The following AKAP8L variants were observed in gnomAD, a reference collection of about 807,000 sequenced individuals.
AKAP8L encodes A-kinase anchor protein 8-like.
Under a neutral mutation model 77.5 loss-of-function variants are expected in AKAP8L, and 34 were observed. The observed-to-expected ratio is 0.44, with a 90% confidence interval of 0.33 to 0.58. AKAP8L has a LOEUF of 0.58. Among genes scored for constraint, AKAP8L ranks in the 20% least tolerant of loss-of-function variants. AKAP8L has a pLI of 0.02. For synonymous variants in AKAP8L, 342 were observed against 340.7 expected, an observed-to-expected ratio of 1.00 and a Z score of -0.04; for missense variants, 806 against 887.6, an observed-to-expected ratio of 0.91 and a Z score of 1.17.
intron 1 of AKAP8L, 58 bp downstream of exon 1, chr19:15,418,853 T>TCCG: frequency 6.5e-7 from 1 of 1,533,718 alleles, no homozygotes; most frequent in East Asian, 2.3e-5. Flanking sequence ...TGGTGCGGCA[T>TCCG]CCGCACGTCC....
At position 15,403,334 on chromosome 19, in the gene AKAP8L, C is replaced by T. The variant is rs964073420; in HGVS notation, c.362+141G>A. ...CACAAGTCAGAGACGGGAAGTGCAA[C>T]GGACCCTGCTGGGAGCCACAGCAGC... On this transcript the variant is annotated intron_variant, in intron 4 of 13. Transcript: ENST00000397410. This position sits in a 1 kb window ranked among gnomAD's most constrained non-coding sequence, Gnocchi z 4.3. 12 of 761,440 alleles carry T rather than the reference C, an allele frequency of 1.6e-5. No individual in the cohort carries two copies. Among genetic ancestry groups the T allele is most frequent in the Admixed American group, 1.1e-4 (5 of 44,076 alleles). 47.2% of individuals were successfully genotyped at this position (761,440 alleles called of 1,614,324 possible). A position where few individuals can be genotyped will look rare whatever the true frequency, so the allele number is the denominator to read the frequency against.
chr19:15,412,774 C>T (rs577342505), intron 1 of AKAP8L, among the ~76,000 whole-genome samples: 1 of 152,318 alleles, frequency 6.6e-6, no homozygotes, highest in African/African-American at 2.4e-5. Flanking sequence ...GATCTCCTAA[C>T]CTTGTGATCC....
intron 7 of AKAP8L, 157 bp downstream of exon 7, chr19:15,400,637 C>T: frequency 2.1e-6 from 2 of 941,958 alleles, no homozygotes; most frequent in Non-Finnish European, 1.6e-6. Flanking sequence ...TCCAGCTAGG[C>T]AGCCTGTGCT....
At chr19:15,402,174 G>C (rs1420868342) in intron 4 of AKAP8L, among the ~76,000 whole-genome samples, 1 of 152,082 alleles carries the variant, frequency 6.6e-6, no homozygotes, top group Non-Finnish European at 1.5e-5. Flanking sequence ...GCTTGCCCAG[G>C]GACAAGAAAA....
intron 1 of AKAP8L, among the ~76,000 whole-genome samples, chr19:15,411,992 G>A (rs535401612): frequency 1.3e-5 from 2 of 152,150 alleles, no homozygotes; most frequent in South Asian, 4.1e-4. Context: ...GGTGGATCAC[G>A]AGGTTAGGAG....
chr19:15,394,647 G>A (rs1047261575), intron 12 of AKAP8L, among the ~76,000 whole-genome samples: 1 of 151,952 alleles, frequency 6.6e-6, no homozygotes, highest in African/African-American at 2.4e-5. Context: ...AGCCTCAAGC[G>A]ATCCTCCCAC....
Position 15,403,687 on chromosome 19 carries a change from G to A in AKAP8L, c.150C>T (p.Gly50=). The A allele has an allele frequency of 4.4e-6, 7 of 1,591,708 alleles. No homozygotes were observed. The highest frequency in any genetic ancestry group is 6.0e-6 in the Non-Finnish European group (7 of 1,169,012). The stretch of plus-strand genomic sequence containing the variant: ...AGTTGGTGGTGTTATCCTGGCCATA[G>A]CCATAGCCATAGCCATAGCCCTCGT... ...RGYEGYGYGY[G]YGQDNTTNYG... Residue 50 remains glycine (G), a synonymous_variant, in exon 4 of 14, where the codon GGC becomes GGT. Transcript: ENST00000397410. This position sits in a 1 kb window ranked among gnomAD's most constrained non-coding sequence, Gnocchi z 4.3.
chr19:15,390,177 A>G (rs556443039), intron 12 of AKAP8L, among the ~76,000 whole-genome samples: 1 of 152,270 alleles, frequency 6.6e-6, no homozygotes, highest in African/African-American at 2.4e-5. Context: ...GCACTTTGGG[A>G]GGCCAAGGCA....
At chr19:15,382,034 CTGTTGGGTATTTT>C (rs748366849) in intron 12 of AKAP8L, 2 of 152,204 alleles carry the variant, frequency 1.3e-5, no homozygotes, top group Non-Finnish European at 2.9e-5. Context: ...GATGTTGTCA[CTGTTGGGTATTTT>C]TGCTGTGGAT....
chr19:15,398,620 G>A lies in AKAP8L; in HGVS notation c.1157+682C>T, dbSNP rs1023372704. The A allele has an allele frequency of 3.0e-5, 30 of 986,702 alleles. No homozygotes were observed. The highest frequency in any genetic ancestry group is 3.6e-5 in the Non-Finnish European group (30 of 830,776). 61.1% of individuals were successfully genotyped at this position (986,702 alleles called of 1,614,324 possible). A position where few individuals can be genotyped will look rare whatever the true frequency, so the allele number is the denominator to read the frequency against. The stretch of plus-strand genomic sequence containing the variant: ...CCAGCCGCCACCGAGACCTCGGGGC[G>A]GGTCCCTACCTCTGCCGGACGTCCT... On this transcript the variant is annotated intron_variant, in intron 9 of 13. Coordinates refer to ENST00000397410, the MANE Select transcript of AKAP8L (RefSeq NM_014371.4). This position sits in a 1 kb window ranked among gnomAD's most constrained non-coding sequence, Gnocchi z 9.2.
chr19:15,380,242 G>A lies in AKAP8L; in HGVS notation c.1821C>T (p.Pro607=). 1 of 1,500,020 alleles carries A rather than the reference G, an allele frequency of 6.7e-7. No homozygotes were observed. 92.9% of individuals were successfully genotyped at this position (1,500,020 alleles called of 1,614,324 possible). A position where few individuals can be genotyped will look rare whatever the true frequency, so the allele number is the denominator to read the frequency against. The change falls in exon 14 of 14, where the codon CCC becomes CCT. Residue 607 remains proline (P), a synonymous_variant. Coordinates refer to ENST00000397410, the MANE Select transcript of AKAP8L (RefSeq NM_014371.4). ...CGGCGCCCTCCTCCTCCTCCTCTGG[G>A]GGCGGCGGCGGTGGCGGCGACACGG... ...PGAVSPPPPP[P]PEEEEEGAVP...
At chr19:15,395,333 GTT>G (rs1256720424) in intron 12 of AKAP8L, among the ~76,000 whole-genome samples, 8 of 151,426 alleles carry the variant, frequency 5.3e-5, no homozygotes, top group Non-Finnish European at 1.2e-4. Context: ...GTTTTGTTTT[GTT>G]TTGTTTTTGA....
At chr19:15,383,354 C>G (rs1293602347) in intron 12 of AKAP8L, 1 of 152,106 alleles carries the variant, frequency 6.6e-6, no homozygotes, top group African/African-American at 2.4e-5. Flanking sequence ...GGACTATAGG[C>G]ACTCACCACC....
intron 12 of AKAP8L, among the ~76,000 whole-genome samples, chr19:15,392,212 T>C (rs1314318386): frequency 6.6e-6 from 1 of 152,244 alleles, no homozygotes; most frequent in Non-Finnish European, 1.5e-5. Context: ...TATCAATATA[T>C]TGGCTGAGCA....
intron 1 of AKAP8L, among the ~76,000 whole-genome samples, chr19:15,416,380 C>G (rs1968207861): frequency 6.6e-6 from 1 of 152,108 alleles, no homozygotes; most frequent in Non-Finnish European, 1.5e-5. Flanking sequence ...TCGCCTTGCT[C>G]TTTCTGGGAT....
At chr19:15,383,027 C>T (rs1967451928) in intron 12 of AKAP8L, among the ~76,000 whole-genome samples, 1 of 152,268 alleles carries the variant, frequency 6.6e-6, no homozygotes, top group African/African-American at 2.4e-5. Context: ...TATCTATAAA[C>T]TGGAAATCCA....
intron 1 of AKAP8L, among the ~76,000 whole-genome samples, chr19:15,416,993 C>T (rs536014037): frequency 2.4e-4 from 36 of 152,320 alleles, no homozygotes; most frequent in African/African-American, 8.4e-4. Context: ...GGAAGACTCA[C>T]ATTGTAAATT....
chr19:15,399,238 C>T lies in AKAP8L; in HGVS notation c.1157+64G>A. On this transcript the variant is annotated intron_variant, in intron 9 of 13. Transcript: ENST00000397410. The surrounding 1 kb of genome is among the most constrained non-coding windows in gnomAD (Gnocchi z 6.1). ...GGCGGCGAGCTGGCAGAGCTATGGC[C>T]CTGCTCTCCTGGCGGCAGCCCCACA... 7.0e-7 allele frequency: 1 copy of T among 1,435,362 alleles called. No individual in the cohort carries two copies. The highest frequency in any genetic ancestry group is 2.3e-5 in the East Asian group (1 of 43,930). The allele number at this position is 1,435,362 out of a possible 1,614,324, so 88.9% of individuals were successfully genotyped here.
chr19:15,409,779 C>T (rs1294964584), intron 2 of AKAP8L, among the ~76,000 whole-genome samples: 2 of 152,144 alleles, frequency 1.3e-5, no homozygotes, highest in African/African-American at 4.8e-5. Flanking sequence ...AAAACTCAAT[C>T]AGAGATCTTC....
Sources: gnomAD v4.1 joint callset for allele counts (sites outside exome capture counted in the v4.1 genomes callset) on GRCh38, gnomAD v4.1.1 for gene constraint, Gnocchi (gnomAD v3.1) non-coding constraint, MANE v1.5 for transcripts, NCBI Gene and HGNC (gene_info 2026-07-23, HGNC 2026-07-21) for gene names.